SPAG16: variants seen among roughly 807,000 people sequenced by gnomAD.
SPAG16 encodes sperm associated antigen 16, also known as sperm-associated antigen 16 protein.
Under a neutral mutation model 80.4 loss-of-function variants are expected in SPAG16, and 86 were observed. That is an observed-to-expected ratio of 1.07 (90% CI 0.90 to 1.28). The LOEUF is 1.28. Among genes scored for constraint, SPAG16 ranks in the 50% most tolerant of loss-of-function variants. SPAG16 has a pLI of 0.00. For synonymous variants in SPAG16, 294 were observed against 265.9 expected (o/e 1.11, Z -1.03); for missense variants, 870 against 765.3 (o/e 1.14, Z -1.61).
chr2:213,650,678 T>A (rs544464029), intron 10 of SPAG16, among the ~76,000 whole-genome samples: 1 of 152,198 alleles, frequency 6.6e-6, no homozygotes, highest in Non-Finnish European at 1.5e-5. Flanking sequence ...TATCTGCCCT[T>A]TTCCACTGCC....
At chr2:213,666,273 C>T (rs1159884288) in intron 10 of SPAG16, among the ~76,000 whole-genome samples, 1 of 152,084 alleles carries the variant, frequency 6.6e-6, no homozygotes. Context: ...ACTTTGTTAA[C>T]TAATCATTGA....
At chr2:213,336,185 C>G (rs939423759) in intron 5 of SPAG16, among the ~76,000 whole-genome samples, 1 of 152,188 alleles carries the variant, frequency 6.6e-6, no homozygotes, top group Non-Finnish European at 1.5e-5. Context: ...TTGCAACCTG[C>G]GGATCAGGAG....
intron 9 of SPAG16, among the ~76,000 whole-genome samples, chr2:213,417,489 A>G (rs926032144): frequency 6.6e-6 from 1 of 152,244 alleles, no homozygotes; most frequent in Non-Finnish European, 1.5e-5. Flanking sequence ...TCAGTGGCAC[A>G]TGGATTTATG....
At chr2:214,344,323 G>A (rs180743126) in intron 15 of SPAG16, among the ~76,000 whole-genome samples, 5 of 152,222 alleles carry the variant, frequency 3.3e-5, no homozygotes, top group Admixed American at 2.0e-4. Flanking sequence ...TGGTACTACG[G>A]AAGCTTCAAC....
intron 10 of SPAG16, among the ~76,000 whole-genome samples, chr2:213,561,147 A>AGCCACTGTGCCAGGCCAGC (rs1381067119): frequency 8.5e-5 from 13 of 152,234 alleles, no homozygotes; most frequent in African/African-American, 3.1e-4. Context: ...CACAGGCGTG[A>AGCCACTGTGCCAGGCCAGC]GCCACTGTGC....
At position 213,676,560 on chromosome 2, in the gene SPAG16, A is replaced by G. The variant is rs567289136; in HGVS notation, c.1071-185925A>G. 4.0e-3 allele frequency among the ~76,000 whole-genome samples: 614 copies of G among 152,198 alleles called. 4 individuals carry two copies. Among genetic ancestry groups the G allele is most frequent in the African/African-American group, 0.014 (566 of 41,456 alleles). On this transcript the variant is annotated intron_variant, in intron 10 of 15. Transcript: ENST00000331683. ...TTATTATTTTGAGATATGTCCCATTAATACCTAATTTGTTGAGAGTTTTTA... is the reference window on the plus strand; with the variant it reads ...TTATTATTTTGAGATATGTCCCATTGATACCTAATTTGTTGAGAGTTTTTA...
intron 9 of SPAG16, among the ~76,000 whole-genome samples, chr2:213,478,977 G>A (rs2073585549): frequency 6.6e-6 from 1 of 151,564 alleles, no homozygotes; most frequent in Admixed American, 6.6e-5. Context: ...TCCCAATGTT[G>A]ACATTTCTCA....
chr2:213,664,804 T>C (rs1260073133), intron 10 of SPAG16, among the ~76,000 whole-genome samples: 1 of 149,834 alleles, frequency 6.7e-6, no homozygotes, highest in African/African-American at 2.5e-5. Context: ...AAACTTCATA[T>C]ATGTGTGTGT....
At chr2:213,620,460 T>G (rs1277095799) in intron 10 of SPAG16, among the ~76,000 whole-genome samples, 1 of 151,608 alleles carries the variant, frequency 6.6e-6, no homozygotes, top group Non-Finnish European at 1.5e-5. Flanking sequence ...GCCCGGCTAA[T>G]TTTTTGTATT....
intron 15 of SPAG16, among the ~76,000 whole-genome samples, chr2:214,393,478 A>T (rs1450983339): frequency 6.6e-6 from 1 of 152,092 alleles, no homozygotes; most frequent in Non-Finnish European, 1.5e-5. Flanking sequence ...CTCAATGGAA[A>T]TTAGTATTTT....
chr2:213,464,453 T>C (rs904299950), intron 9 of SPAG16, among the ~76,000 whole-genome samples: 7 of 152,224 alleles, frequency 4.6e-5, no homozygotes, highest in African/African-American at 1.7e-4. Context: ...GAGGCTGTTA[T>C]TGCCTGAAGG....
chr2:213,926,474 G>A (rs2078484275), intron 11 of SPAG16, among the ~76,000 whole-genome samples: 1 of 151,898 alleles, frequency 6.6e-6, no homozygotes, highest in South Asian at 2.1e-4. Context: ...ACTCCCACCT[G>A]TGAGTGAGAA....
At chr2:214,340,389 C>G (rs1485183529) in intron 15 of SPAG16, among the ~76,000 whole-genome samples, 1 of 152,138 alleles carries the variant, frequency 6.6e-6, no homozygotes, top group Non-Finnish European at 1.5e-5. Flanking sequence ...TGGAGGGTTG[C>G]CAATTTCTTT....
At chr2:214,143,465 TTGACTCATCATATAGTTG>T in intron 14 of SPAG16, among the ~76,000 whole-genome samples, 2 of 152,214 alleles carry the variant, frequency 1.3e-5, no homozygotes, top group Admixed American at 1.3e-4. Context: ...GAATCACAGT[TTGACTCATCATATAGTTG>T]TGAGAGTCAG....
At chr2:213,306,899 A>T (rs960586283) in intron 3 of SPAG16, among the ~76,000 whole-genome samples, 3 of 152,138 alleles carry the variant, frequency 2.0e-5, no homozygotes, top group African/African-American at 7.2e-5. Flanking sequence ...AGCAATATGA[A>T]GTTAAAGCCT....
intron 12 of SPAG16, among the ~76,000 whole-genome samples, chr2:213,949,460 C>A (rs2079639249): frequency 6.6e-6 from 1 of 152,072 alleles, no homozygotes. Flanking sequence ...AGCCACCGCG[C>A]TCGGCCTACA....
intron 10 of SPAG16, among the ~76,000 whole-genome samples, chr2:213,544,966 A>C (rs2076567817): frequency 6.6e-6 from 1 of 152,146 alleles, no homozygotes; most frequent in Admixed American, 6.5e-5. Flanking sequence ...ATTGTGAAGA[A>C]AGCTGCTATA....
chr2:213,825,701 C>CTTTTT (rs55777958), intron 10 of SPAG16, among the ~76,000 whole-genome samples: 115 of 109,682 alleles, frequency 1.0e-3, no homozygotes, highest in East Asian at 3.1e-3. Flanking sequence ...TTCTTTCTTT[C>CTTTTT]TTTTTTTTTT....
At chr2:213,625,892 G>T (rs1209070167) in intron 10 of SPAG16, among the ~76,000 whole-genome samples, 1 of 151,816 alleles carries the variant, frequency 6.6e-6, no homozygotes, top group Non-Finnish European at 1.5e-5. Flanking sequence ...GTTTCATCAG[G>T]TGAGCCAGGC....
Sources: gnomAD v4.1 joint callset for allele counts (sites outside exome capture counted in the v4.1 genomes callset) on GRCh38, gnomAD v4.1.1 for gene constraint, MANE v1.5 for transcripts, NCBI Gene and HGNC (gene_info 2026-07-23, HGNC 2026-07-21) for gene names.